DENND4C: variants seen among roughly 807,000 people sequenced by gnomAD.
The protein encoded by DENND4C is DENN domain-containing protein 4C.
A neutral mutation model predicts 203.0 loss-of-function variants in DENND4C; 108 were observed. The observed-to-expected ratio is 0.53, with a 90% confidence interval of 0.46 to 0.62. DENND4C has a LOEUF of 0.62. DENND4C is among the 20% of genes least tolerant of loss of function. DENND4C has a pLI of 0.00. For missense variants in DENND4C, 2,481 were observed against 2,301.2 expected, an observed-to-expected ratio of 1.08 and a Z score of -1.60; for synonymous variants, 871 against 792.4, an observed-to-expected ratio of 1.10 and a Z score of -1.67.
intron 10 of DENND4C, among the ~76,000 whole-genome samples, chr9:19,312,784 A>G (rs1486987823): frequency 6.6e-6 from 1 of 152,148 alleles, no homozygotes; most frequent in Non-Finnish European, 1.5e-5. Flanking sequence ...TGAAATGAAT[A>G]CTTTTGTCTT....
chr9:19,257,942 G>T (rs118132980), intron 1 of DENND4C, among the ~76,000 whole-genome samples: 3,043 of 152,138 alleles, frequency 0.02, 55 homozygotes, highest in Non-Finnish European at 0.025. Context: ...GGGAAACATG[G>T]TGAGACCTCA....
At chr9:19,345,781 A>G in intron 22 of DENND4C, 140 bp from the exon 23 acceptor site, 2 of 787,272 alleles carry the variant, frequency 2.5e-6, no homozygotes, top group Non-Finnish European at 3.7e-6. Context: ...TTTTTTTTAT[A>G]CTTTCTTTAT....
At chr9:19,360,530 G>A (rs745407352) in intron 29 of DENND4C, 41 bp downstream of exon 29, 2 of 1,611,530 alleles carry the variant, frequency 1.2e-6, no homozygotes, top group South Asian at 2.2e-5. Flanking sequence ...TATTCAGTAG[G>A]ATGAGGCTTA....
chr9:19,251,446 T>G (rs754026919), intron 1 of DENND4C, among the ~76,000 whole-genome samples: 10 of 152,222 alleles, frequency 6.6e-5, no homozygotes. Flanking sequence ...CTGACATACC[T>G]TGGAGACATT....
chr9:19,320,419 G>A (rs1363905033), intron 12 of DENND4C, among the ~76,000 whole-genome samples: 1 of 152,048 alleles, frequency 6.6e-6, no homozygotes, highest in Non-Finnish European at 1.5e-5. Context: ...GACTGGTCTC[G>A]AACTCCTGAC....
Position 19,346,373 on chromosome 9 carries a change from G to A in DENND4C, c.3604G>A (p.Val1202Ile), listed in dbSNP as rs1306587674. 6 of 1,614,034 alleles carry A rather than the reference G, an allele frequency of 3.7e-6. No homozygotes were observed. Among genetic ancestry groups the A allele is most frequent in the East Asian group, 2.2e-5 (1 of 44,892 alleles). ...VDDVPKTTAT[V>I]DTYESLLSDS... Reference sequence around the variant, plus strand: ...TGACGTACCTAAAACTACTGCAACAGTAGATACATATGAGAGTCTACTAAG... The same window carrying A: ...TGACGTACCTAAAACTACTGCAACAATAGATACATATGAGAGTCTACTAAG... Residue 1202 changes from valine (V) to isoleucine (I), a missense_variant, in exon 23 of 33, where the codon GTA becomes ATA. Val to Ile is a conservative substitution (Grantham distance 29, BLOSUM62 3). Coordinates refer to ENST00000434457, the MANE Select transcript of DENND4C (RefSeq NM_001330640.2).
intron 2 of DENND4C, among the ~76,000 whole-genome samples, chr9:19,279,900 G>A (rs578208413): frequency 1.9e-5 from 2 of 107,604 alleles, no homozygotes; most frequent in Admixed American, 1.9e-4. Context: ...ATACCTAGAG[G>A]GTGAAGATAT....
At chr9:19,351,028 G>T in intron 24 of DENND4C, 149 bp downstream of exon 24, 1 of 758,112 alleles carries the variant, frequency 1.3e-6, no homozygotes, top group Non-Finnish European at 2.0e-6. Flanking sequence ...CTCCCAAAGT[G>T]CTGGGATTAC....
intron 2 of DENND4C, among the ~76,000 whole-genome samples, chr9:19,278,222 G>T (rs1349297570): frequency 6.6e-6 from 1 of 151,518 alleles, no homozygotes. Flanking sequence ...TGCAACCTCC[G>T]CCTCCCGGGT....
At chr9:19,356,108 G>A (rs1287066429) in intron 26 of DENND4C, among the ~76,000 whole-genome samples, 1 of 151,722 alleles carries the variant, frequency 6.6e-6, no homozygotes, top group South Asian at 2.1e-4. Context: ...CAATGAGCAC[G>A]CAAATATCTA....
chr9:19,286,870 C>T lies in DENND4C; in HGVS notation c.407C>T (p.Ser136Leu). The change falls in exon 3 of 33, where the codon TCA becomes TTA. Residue 136 changes from serine (S) to leucine (L), a missense_variant. By Grantham distance (145) the Ser-to-Leu change is moderately radical (BLOSUM62 -2). Around this residue, in one of 3 missense-constraint regions of DENND4C, gnomAD observed 187 missense variants for 167.4 expected, o/e 1.12. Coordinates refer to ENST00000434457, the MANE Select transcript of DENND4C (RefSeq NM_001330640.2). ...AATGTCAACAATAGTTCAACTACTT[C>T]ACAAAGAATCTTTATCACTTATCGA... Reference protein sequence around the residue: ...CANVNNSSTTSQRIFITYRRA... With the variant: ...CANVNNSSTTLQRIFITYRRA... 2 of 1,232,124 alleles carry T rather than the reference C, an allele frequency of 1.6e-6. No homozygotes were observed. The highest frequency in any genetic ancestry group is 4.1e-5 in the South Asian group (1 of 24,322). 76.3% of individuals were successfully genotyped at this position (1,232,124 alleles called of 1,614,324 possible).
chr9:19,260,600 G>T (rs1320283567), intron 1 of DENND4C, among the ~76,000 whole-genome samples: 1 of 152,108 alleles, frequency 6.6e-6, no homozygotes, highest in Non-Finnish European at 1.5e-5. Context: ...GTTTCATTAT[G>T]TTGGCCAGGC....
intron 20 of DENND4C, among the ~76,000 whole-genome samples, chr9:19,339,080 C>G (rs1199481601): frequency 1.3e-5 from 2 of 152,074 alleles, no homozygotes; most frequent in Non-Finnish European, 2.9e-5. Context: ...TCTAGATTCC[C>G]TTGTTTTTAG....
In DENND4C at chr9:19,290,750, CTCAGAA is replaced by C; in HGVS notation, c.681_686del (p.Glu227_Ser228del). 1 of 1,580,774 alleles carries C rather than the reference CTCAGAA, an allele frequency of 6.3e-7. No individual in the cohort carries two copies. Among genetic ancestry groups the C allele is most frequent in the Non-Finnish European group, 8.6e-7 (1 of 1,161,774 alleles). ...AAGAGGACTATGAGTCATTTCCACT[CTCAGAA>C]TCAGATGTACCTCTTTTCTGCCTTC... On this transcript the variant is annotated inframe_deletion, in exon 5 of 33. Coordinates refer to ENST00000434457, the MANE Select transcript of DENND4C (RefSeq NM_001330640.2).
At chr9:19,325,815 G>A (rs1476498134) in intron 13 of DENND4C, 124 bp from the exon 14 acceptor site, 1 of 854,002 alleles carries the variant, frequency 1.2e-6, no homozygotes, top group African/African-American at 1.7e-5. Flanking sequence ...AATATACTGT[G>A]CATGTTTTGT....
At chr9:19,335,655 G>T (rs1422254602) in intron 18 of DENND4C, among the ~76,000 whole-genome samples, 1 of 151,634 alleles carries the variant, frequency 6.6e-6, no homozygotes, top group African/African-American at 2.4e-5. Context: ...ATGTCCTCTG[G>T]GTTCATTCAT....
At chr9:19,333,935 G>A (rs1819845196) in intron 17 of DENND4C, among the ~76,000 whole-genome samples, 1 of 152,152 alleles carries the variant, frequency 6.6e-6, no homozygotes, top group Admixed American at 6.5e-5. Context: ...AATCCTATTT[G>A]TTCTGTAGGC....
chr9:19,336,949 A>G, intron 20 of DENND4C, 117 bp downstream of exon 20: 4 of 983,090 alleles, frequency 4.1e-6, no homozygotes, highest in Non-Finnish European at 5.9e-6. Flanking sequence ...AAAGTACTGT[A>G]TGCTTACAAG....
At chr9:19,349,126 G>T (rs1487901488) in intron 23 of DENND4C, among the ~76,000 whole-genome samples, 1 of 152,128 alleles carries the variant, frequency 6.6e-6, no homozygotes, top group Non-Finnish European at 1.5e-5. Context: ...ATTTTATTGA[G>T]GTTGGTTATG....
Sources: gnomAD v4.1 joint callset for allele counts (sites outside exome capture counted in the v4.1 genomes callset) on GRCh38, gnomAD v4.1.1 for gene constraint, gnomAD v4.1.1 regional missense constraint, MANE v1.5 for transcripts, NCBI Gene and HGNC (gene_info 2026-07-23, HGNC 2026-07-21) for gene names.